The following NCKAP1 variants were observed in gnomAD, a reference collection of about 807,000 sequenced individuals.
NCKAP1 encodes nck-associated protein 1.
A neutral mutation model predicts 151.2 loss-of-function variants in NCKAP1; 21 were observed. The observed-to-expected ratio is 0.14, with a 90% CI of 0.10 to 0.20. The LOEUF (loss-of-function observed/expected upper bound fraction) is 0.20. Among genes scored for constraint, NCKAP1 ranks in the 10% least tolerant of loss-of-function variants. The probability of loss-of-function intolerance (pLI) is 1.00; values close to 1 mark genes in which losing one functional copy is unlikely to be tolerated. For synonymous variants in NCKAP1, 484 were observed against 451.8 expected (o/e 1.07, Z -0.90); for missense variants, 933 against 1,352.1 (o/e 0.69, Z 4.86).
chr2:182,925,112 AT>A lies in NCKAP1; in HGVS notation c.*589del, dbSNP rs1466678031. 6.6e-6 allele frequency: 1 copy of A among 152,178 alleles called. No homozygotes were observed. The highest frequency in any genetic ancestry group is 2.4e-5 in the African/African-American group (1 of 41,468). The allele number at this position is 152,178 out of a possible 1,614,324, so 9.4% of individuals were successfully genotyped here. A position where few individuals can be genotyped will look rare whatever the true frequency, so the allele number is the denominator to read the frequency against. On this transcript the variant is annotated 3_prime_UTR_variant, in exon 31 of 31. Transcript: ENST00000361354. ...CTAGGCTTTATACAAGCAACAACAT[AT>A]GCTGCTGCTCTTAGAATTTTGGGAA...
chr2:182,938,308 C>G (rs1696923253), intron 24 of NCKAP1, among the ~76,000 whole-genome samples: 1 of 152,028 alleles, frequency 6.6e-6, no homozygotes. Flanking sequence ...AGTAAGATAT[C>G]ACAAGCTGAC....
intron 15 of NCKAP1, among the ~76,000 whole-genome samples, chr2:182,975,419 A>C (rs913498014): frequency 6.6e-6 from 1 of 152,122 alleles, no homozygotes; most frequent in Non-Finnish European, 1.5e-5. Context: ...GTGCTTATGC[A>C]TTTTGAGGTT....
chr2:183,007,029 T>C (rs921426802), intron 2 of NCKAP1, among the ~76,000 whole-genome samples: 1 of 152,016 alleles, frequency 6.6e-6, no homozygotes, highest in Non-Finnish European at 1.5e-5. Context: ...GCACCATACA[T>C]CCAGCTAATT....
At chr2:182,934,259 TC>T (rs1181593674) in intron 26 of NCKAP1, 2 of 151,722 alleles carry the variant, frequency 1.3e-5, no homozygotes, top group Admixed American at 6.6e-5. Context: ...TGTCTCAGCC[TC>T]CCGAGTAGCT....
chr2:182,945,092 A>G (rs2105814572), intron 23 of NCKAP1, among the ~76,000 whole-genome samples: 1 of 152,158 alleles, frequency 6.6e-6, no homozygotes. Context: ...AAAATTAGCA[A>G]GGCGTGGTGG....
At chr2:182,961,860 T>C (rs1359086104) in intron 18 of NCKAP1, among the ~76,000 whole-genome samples, 1 of 152,068 alleles carries the variant, frequency 6.6e-6, no homozygotes, top group African/African-American at 2.4e-5. Flanking sequence ...AATCACCAAA[T>C]ATGCTTAATT....
Position 183,038,433 on chromosome 2 carries a change from G to A in NCKAP1, c.-334C>T. The A allele has an allele frequency of 5.2e-6, 1 of 191,812 alleles. No individual in the cohort carries two copies. The highest frequency in any genetic ancestry group is 1.0e-5 in the Non-Finnish European group (1 of 98,162). 11.9% of individuals were successfully genotyped at this position (191,812 alleles called of 1,614,324 possible). On this transcript the variant is annotated 5_prime_UTR_variant, in exon 1 of 31. Transcript: ENST00000361354. ...CACTAGGTGTGGCGGCGGCGGCGGC[G>A]GCGGCGGCGTCTCCGGCGGCTGAGA...
chr2:182,953,346 T>G lies in NCKAP1; in HGVS notation c.2154-15A>C, dbSNP rs74840499. The G allele has an allele frequency of 6.4e-7, 1 of 1,571,230 alleles. No individual in the cohort carries two copies. The highest frequency in any genetic ancestry group is 1.1e-5 in the South Asian group (1 of 87,006). On this transcript the variant is annotated splice_polypyrimidine_tract_variant and intron_variant, in intron 20 of 30. Transcript: ENST00000361354. ...CAACAATTGACCTGGGAAGAAGGGA[T>G]AGAAGAATAAGAAAAGCCTCTGACT...
chr2:182,970,125 T>A (rs1697656783), intron 15 of NCKAP1, among the ~76,000 whole-genome samples: 1 of 152,140 alleles, frequency 6.6e-6, no homozygotes, highest in African/African-American at 2.4e-5. Flanking sequence ...ATAAAAAGTC[T>A]CCCATGAGAG....
intron 1 of NCKAP1, among the ~76,000 whole-genome samples, chr2:183,029,821 G>GAAA (rs71405500): frequency 6.5e-4 from 33 of 50,598 alleles, no homozygotes; most frequent in African/African-American, 1.1e-3. Context: ...ACCCTGACTC[G>GAAA]AAAAAAAAAA....
At chr2:183,020,464 CAAAA>C (rs1179083096) in intron 2 of NCKAP1, among the ~76,000 whole-genome samples, 5 of 71,590 alleles carry the variant, frequency 7.0e-5, no homozygotes, top group African/African-American at 2.1e-4. Flanking sequence ...GACCGTGTCC[CAAAA>C]AAAAAAAAAA....
chr2:182,997,443 C>T (rs1314948606), intron 6 of NCKAP1, among the ~76,000 whole-genome samples: 1 of 152,174 alleles, frequency 6.6e-6, no homozygotes, highest in African/African-American at 2.4e-5. Context: ...TGTTGTGTCG[C>T]TATTTTCATT....
At chr2:182,996,954 T>TG (rs1407643035) in intron 6 of NCKAP1, among the ~76,000 whole-genome samples, 3 of 152,174 alleles carry the variant, frequency 2.0e-5, no homozygotes, top group Admixed American at 2.0e-4. Flanking sequence ...ATAATGTAAT[T>TG]TTTTAAATCC....
chr2:183,007,510 A>G (rs1461756009), intron 2 of NCKAP1, among the ~76,000 whole-genome samples: 2 of 152,248 alleles, frequency 1.3e-5, no homozygotes, highest in African/African-American at 4.8e-5. Context: ...AAATTACCAT[A>G]AGGAATCAGT....
chr2:183,024,845 C>T (rs886409915), intron 1 of NCKAP1: 3 of 935,312 alleles, frequency 3.2e-6, no homozygotes, highest in Non-Finnish European at 4.8e-6. Flanking sequence ...TGAGGAAATA[C>T]ACTACTGCAA....
At chr2:182,993,030 A>G (rs1359541774) in intron 8 of NCKAP1, among the ~76,000 whole-genome samples, 1 of 152,240 alleles carries the variant, frequency 6.6e-6, no homozygotes, top group Admixed American at 6.5e-5. Flanking sequence ...GAAACACTGT[A>G]ATAAAAAGTC....
intron 23 of NCKAP1, among the ~76,000 whole-genome samples, chr2:182,950,735 T>G (rs1252130017): frequency 6.6e-6 from 1 of 152,174 alleles, no homozygotes; most frequent in Non-Finnish European, 1.5e-5. Flanking sequence ...ATGCATGATC[T>G]CATAAAATTC....
intron 17 of NCKAP1, among the ~76,000 whole-genome samples, chr2:182,963,361 G>A (rs571396590): frequency 6.6e-6 from 1 of 152,020 alleles, no homozygotes; most frequent in Non-Finnish European, 1.5e-5. Flanking sequence ...GCTCAAATTT[G>A]TTCTTTACAG....
chr2:182,926,479 A>C (rs189884587), intron 30 of NCKAP1, among the ~76,000 whole-genome samples: 5 of 152,182 alleles, frequency 3.3e-5, no homozygotes, highest in African/African-American at 1.2e-4. Flanking sequence ...AAATGGGCAG[A>C]ATAGAGTTAG....
Sources: allele counts gnomAD v4.1 joint callset (sites outside exome capture counted in the v4.1 genomes callset), GRCh38; gene constraint gnomAD v4.1.1; transcripts MANE v1.5; gene names NCBI Gene and HGNC (gene_info 2026-07-23, HGNC 2026-07-21).